RSRC1: variants seen among roughly 807,000 people sequenced by gnomAD.
RSRC1 encodes arginine and serine rich coiled-coil 1, also known as serine/Arginine-related protein 53.
Under a neutral mutation model 49.1 loss-of-function variants are expected in RSRC1, and 39 were observed. That is an observed-to-expected ratio of 0.79 (90% CI 0.61 to 1.04). RSRC1 has a LOEUF of 1.04. Ranked by LOEUF, RSRC1 falls within the 50% of genes least tolerant of loss-of-function variation. The pLI is 0.00. For synonymous variants in RSRC1, 143 were observed against 130.8 expected, an observed-to-expected ratio of 1.09 and a Z score of -0.63; for missense variants, 388 against 402.4, an observed-to-expected ratio of 0.96 and a Z score of 0.31.
intron 6 of RSRC1, among the ~76,000 whole-genome samples, chr3:158,379,469 G>A (rs1039455756): frequency 1.3e-5 from 2 of 151,990 alleles, no homozygotes; most frequent in African/African-American, 4.8e-5. Context: ...CAAAGTGCTG[G>A]GATTACAGGC....
intron 6 of RSRC1, among the ~76,000 whole-genome samples, chr3:158,392,460 C>T (rs151191835): frequency 2.8e-4 from 43 of 152,116 alleles, no homozygotes; most frequent in East Asian, 1.9e-3. Context: ...TAGAAAGATA[C>T]GATACTTCAT....
intron 3 of RSRC1, among the ~76,000 whole-genome samples, chr3:158,158,747 C>T (rs1718031214): frequency 6.6e-6 from 1 of 151,984 alleles, no homozygotes; most frequent in South Asian, 2.1e-4. Context: ...TGAGACTAGC[C>T]TGGCCAACAT....
At chr3:158,422,197 G>T (rs1035846836) in intron 6 of RSRC1, among the ~76,000 whole-genome samples, 3 of 148,880 alleles carry the variant, frequency 2.0e-5, no homozygotes, top group African/African-American at 7.4e-5. Context: ...CTAGCATTAG[G>T]TATATCTCCC....
chr3:158,301,904 T>TC (rs1727566714), intron 5 of RSRC1, among the ~76,000 whole-genome samples: 1 of 151,964 alleles, frequency 6.6e-6, no homozygotes, highest in Admixed American at 6.6e-5. Flanking sequence ...TTCTAGCCTG[T>TC]TCTCCTCCAC....
intron 1 of RSRC1, among the ~76,000 whole-genome samples, chr3:158,117,007 G>C (rs1714878682): frequency 6.6e-6 from 1 of 152,034 alleles, no homozygotes; most frequent in African/African-American, 2.4e-5. Flanking sequence ...GTATAATTTT[G>C]AGACCTTACA....
intron 5 of RSRC1, among the ~76,000 whole-genome samples, chr3:158,354,467 T>C (rs1255792723): frequency 6.6e-6 from 1 of 152,202 alleles, no homozygotes; most frequent in African/African-American, 2.4e-5. Context: ...GAGTCTGACT[T>C]ACCTCAAATA....
At chr3:158,530,197 C>T (rs978696469) in intron 7 of RSRC1, among the ~76,000 whole-genome samples, 4 of 151,924 alleles carry the variant, frequency 2.6e-5, no homozygotes, top group East Asian at 3.9e-4. Context: ...AGCCAACTTC[C>T]GTGTCTTTAG....
At chr3:158,121,069 A>C (rs1279423808) in intron 1 of RSRC1, among the ~76,000 whole-genome samples, 1 of 151,950 alleles carries the variant, frequency 6.6e-6, no homozygotes. Context: ...TATATTTTAT[A>C]TTATGAAAAT....
intron 6 of RSRC1, among the ~76,000 whole-genome samples, chr3:158,378,561 G>T (rs1047326682): frequency 1.3e-5 from 2 of 152,204 alleles, no homozygotes; most frequent in African/African-American, 4.8e-5. Flanking sequence ...CCTATAGTGG[G>T]CAACAGCTGA....
At chr3:158,337,991 G>A (rs895941772) in intron 5 of RSRC1, among the ~76,000 whole-genome samples, 1 of 152,078 alleles carries the variant, frequency 6.6e-6, no homozygotes, top group African/African-American at 2.4e-5. Context: ...TAGATGCTGA[G>A]GCTTTTGTAT....
chr3:158,505,620 A>G (rs9858498), intron 7 of RSRC1, among the ~76,000 whole-genome samples: 30,381 of 151,868 alleles, frequency 0.2, 3,703 homozygotes, highest in African/African-American at 0.35. Context: ...TTGAAAAACT[A>G]GATAATAGGT....
intron 7 of RSRC1, among the ~76,000 whole-genome samples, chr3:158,492,338 C>G (rs1047847086): frequency 2.0e-5 from 3 of 152,184 alleles, no homozygotes; most frequent in African/African-American, 7.2e-5. Context: ...TTAATCTGAG[C>G]TTTTCCTAAG....
chr3:158,277,603 G>A (rs1725890249), intron 4 of RSRC1, among the ~76,000 whole-genome samples: 1 of 152,134 alleles, frequency 6.6e-6, no homozygotes, highest in Admixed American at 6.5e-5. Context: ...TGAAATGTGT[G>A]TTGGAATGAA....
At chr3:158,365,159 T>A (rs919870571) in intron 6 of RSRC1, among the ~76,000 whole-genome samples, 54 of 152,304 alleles carry the variant, frequency 3.5e-4, no homozygotes, top group Middle Eastern at 6.8e-3. Context: ...TTCATTTTTT[T>A]AAAATTATAC....
intron 4 of RSRC1, among the ~76,000 whole-genome samples, chr3:158,233,512 C>T (rs1247673139): frequency 6.6e-6 from 1 of 152,068 alleles, no homozygotes; most frequent in Non-Finnish European, 1.5e-5. Context: ...TGTGTAGTAT[C>T]AAAGTGAAAA....
At chr3:158,360,590 T>C (rs1234218183) in intron 6 of RSRC1, among the ~76,000 whole-genome samples, 1 of 152,224 alleles carries the variant, frequency 6.6e-6, no homozygotes, top group Non-Finnish European at 1.5e-5. Context: ...TGTTTGTTAG[T>C]GCCCAAAGTC....
intron 5 of RSRC1, among the ~76,000 whole-genome samples, chr3:158,333,588 C>T (rs1014281159): frequency 6.6e-6 from 1 of 152,128 alleles, no homozygotes; most frequent in African/African-American, 2.4e-5. Flanking sequence ...TAGGACAAAA[C>T]ATATTGTAAA....
intron 6 of RSRC1, among the ~76,000 whole-genome samples, chr3:158,369,571 A>G (rs1731956619): frequency 6.6e-6 from 1 of 152,088 alleles, no homozygotes; most frequent in South Asian, 2.1e-4. Context: ...TCATAATAAC[A>G]TTTTTTTAAA....
intron 5 of RSRC1, among the ~76,000 whole-genome samples, chr3:158,350,656 T>C (rs772516255): frequency 2.0e-5 from 3 of 152,184 alleles, no homozygotes; most frequent in Non-Finnish European, 4.4e-5. Context: ...TCTCATTAAG[T>C]TTCTATCATA....
Sources: allele counts gnomAD v4.1 joint callset (sites outside exome capture counted in the v4.1 genomes callset), GRCh38; gene constraint gnomAD v4.1.1; transcripts MANE v1.5; gene names NCBI Gene and HGNC (gene_info 2026-07-23, HGNC 2026-07-21).